The following GAR1 variants were observed in gnomAD, a reference collection of about 807,000 sequenced individuals.
The protein encoded by GAR1 is GAR1 ribonucleoprotein, also known as H/ACA ribonucleoprotein complex subunit 1.
GAR1 carries 11 observed loss-of-function variants against 29.3 expected under a neutral mutation model. The observed-to-expected ratio is 0.38, with a 90% CI of 0.24 to 0.62. The LOEUF is 0.62. Ranked by LOEUF, GAR1 falls within the 20% of genes least tolerant of loss-of-function variation. The pLI, the probability that GAR1 is intolerant of heterozygous loss-of-function variation, is 0.62. For missense variants in GAR1, 237 were observed against 268.4 expected, an observed-to-expected ratio of 0.88 and a Z score of 0.82; for synonymous variants, 87 against 93.3, an observed-to-expected ratio of 0.93 and a Z score of 0.39.
intron 3 of GAR1, 129 bp downstream of exon 3, chr4:109,818,219 A>G (rs1470484776): frequency 1.5e-6 from 1 of 647,326 alleles, no homozygotes; most frequent in Non-Finnish European, 2.7e-6. Flanking sequence ...AGATTGGACC[A>G]TGAAGGAGAA....
chr4:109,819,153 A>T, intron 4 of GAR1, 93 bp downstream of exon 4: 1 of 775,452 alleles, frequency 1.3e-6, no homozygotes, highest in East Asian at 2.4e-5. Flanking sequence ...AGACTTTCCC[A>T]ACATATCACT....
chr4:109,816,208 G>A lies in GAR1; in HGVS notation c.44G>A (p.Gly15Asp). ...GGTCGTGGAGGCTTTAATCGAGGTG[G>A]TGGAGGTGGCGGCTTCAACCGAGGT... ...GGGRGGFNRG[G>D]GGGGFNRGGS... The change falls in exon 2 of 7, where the codon GGT (glycine) becomes GAT (aspartate). Residue 15 changes from glycine to aspartate, a missense_variant. Gly to Asp is a moderately conservative substitution (Grantham distance 94, BLOSUM62 -1). Coordinates refer to ENST00000226796, the MANE Select transcript of GAR1 (RefSeq NM_018983.4). 1 of 1,611,288 alleles carries A rather than the reference G, an allele frequency of 6.2e-7. No homozygotes were observed. Among genetic ancestry groups the A allele is most frequent in the Non-Finnish European group, 8.5e-7 (1 of 1,178,806 alleles).
chr4:109,820,375 G>T (rs1290658872), intron 4 of GAR1, among the ~76,000 whole-genome samples: 1 of 152,010 alleles, frequency 6.6e-6, no homozygotes, highest in African/African-American at 2.4e-5. Flanking sequence ...TGAGGTTGAG[G>T]TACTTGTGAG....
In GAR1 at chr4:109,816,198, A is replaced by C; in HGVS notation, c.34A>C (p.Asn12His). 2 of 1,609,452 alleles carry C rather than the reference A, an allele frequency of 1.2e-6. No individual in the cohort carries two copies. Among genetic ancestry groups the C allele is most frequent in the Non-Finnish European group, 1.7e-6 (2 of 1,178,224 alleles). ...SFRGGGRGGF[N>H]RGGGGGGFNR... ...TCGAGGCGGAGGTCGTGGAGGCTTT[A>C]ATCGAGGTGGTGGAGGTGGCGGCTT... The change falls in exon 2 of 7, where the codon AAT becomes CAT. Residue 12 changes from asparagine to histidine, a missense_variant. Asn to His is a moderately conservative substitution (Grantham distance 68). Transcript: ENST00000226796.
chr4:109,824,684 G>A lies in GAR1; in HGVS notation c.*253G>A. The A allele has an allele frequency of 2.6e-6, 1 of 379,794 alleles. No individual in the cohort carries two copies. 23.5% of individuals were successfully genotyped at this position (379,794 alleles called of 1,614,324 possible). A position where few individuals can be genotyped will look rare whatever the true frequency, so the allele number is the denominator to read the frequency against. Reference sequence around the variant, plus strand: ...GTGGGTGCTCAATAAATGGATAGGAGTTTTCATTTGAAGCATATTTGAATT... The same window carrying A: ...GTGGGTGCTCAATAAATGGATAGGAATTTTCATTTGAAGCATATTTGAATT... On this transcript the variant is annotated 3_prime_UTR_variant, in exon 7 of 7. Coordinates refer to ENST00000226796, the MANE Select transcript of GAR1 (RefSeq NM_018983.4).
intron 5 of GAR1, 120 bp from the exon 6 acceptor site, chr4:109,823,845 T>C: frequency 1.8e-6 from 1 of 544,166 alleles, no homozygotes; most frequent in Non-Finnish European, 3.2e-6. Flanking sequence ...TAATTATAGT[T>C]ATTGTATTGA....
chr4:109,817,015 C>A (rs1031509006), intron 2 of GAR1, among the ~76,000 whole-genome samples: 6 of 152,130 alleles, frequency 3.9e-5, no homozygotes, highest in African/African-American at 1.4e-4. Context: ...GAATGGAAGT[C>A]ACAGAAAGTG....
At chr4:109,820,698 A>G (rs1322761096) in intron 4 of GAR1, among the ~76,000 whole-genome samples, 1 of 152,216 alleles carries the variant, frequency 6.6e-6, no homozygotes, top group Non-Finnish European at 1.5e-5. Flanking sequence ...AGACAGCCAC[A>G]TAGACATCAG....
In GAR1 at chr4:109,818,105, T is replaced by C. The variant is rs755957823; in HGVS notation, c.369+15T>C. The stretch of plus-strand genomic sequence containing the variant: ...TCAGAGATTTTGTATCCTTTTTCAT[T>C]GGAAGGCCTGATAATATTCAAAGGT... On this transcript the variant is annotated intron_variant, in intron 3 of 6. Transcript: ENST00000226796. The C allele has an allele frequency of 1.2e-5, 19 of 1,572,962 alleles. No individual in the cohort carries two copies. The highest frequency in any genetic ancestry group is 3.8e-5 in the Admixed American group (2 of 53,060).
At position 109,818,039 on chromosome 4, in the gene GAR1, CAAA is replaced by C. The variant is rs754745580; in HGVS notation, c.319_321del (p.Lys107del). ...TCAATGCTCCTGTTTACTTAGAAAA[CAAA>C]GAACAAATTGGAAAAGTGGATGAAA... On this transcript the variant is annotated inframe_deletion, in exon 3 of 7. Coordinates refer to ENST00000226796, the MANE Select transcript of GAR1 (RefSeq NM_018983.4). 23 of 1,606,868 alleles carry C rather than the reference CAAA, an allele frequency of 1.4e-5. No individual in the cohort carries two copies. Among genetic ancestry groups the C allele is most frequent in the Non-Finnish European group, 8.5e-7 (1 of 1,176,686 alleles).
At position 109,819,509 on chromosome 4, in the gene GAR1, A is replaced by C. The variant is rs576077589; in HGVS notation, c.429+449A>C. Reference sequence around the variant, plus strand: ...AGCTTTGTAGTGCCACCAGCTTTTTAAGTCTGTAGTGTTTCCTGAAAAAGT... The same window carrying C: ...AGCTTTGTAGTGCCACCAGCTTTTTCAGTCTGTAGTGTTTCCTGAAAAAGT... On this transcript the variant is annotated intron_variant, in intron 4 of 6. Transcript: ENST00000226796. 421 of 103,566 alleles carry C rather than the reference A, an allele frequency of 4.1e-3. 1 individual carries two copies. The highest frequency in any genetic ancestry group is 0.019 in the African/African-American group (395 of 21,288). 6.4% of individuals were successfully genotyped at this position (103,566 alleles called of 1,614,324 possible).
At position 109,818,296 on chromosome 4, in the gene GAR1, T is replaced by G. The variant is rs186735098; in HGVS notation, c.369+206T>G. Among the ~76,000 whole-genome samples the G allele has an allele frequency of 7.0e-3, 1,073 of 152,262 alleles. 1 individual carries two copies. Among genetic ancestry groups the G allele is most frequent in the Admixed American group, 0.014 (213 of 15,310 alleles). ...GACCCTAGAACGGTGACTTTTTTTT[T>G]GGAAAATTCTATTAATGATGGCCAT... On this transcript the variant is annotated intron_variant, in intron 3 of 6. Transcript: ENST00000226796.
intron 5 of GAR1, 169 bp downstream of exon 5, chr4:109,822,657 A>G: frequency 1.6e-6 from 1 of 625,230 alleles, no homozygotes; most frequent in Non-Finnish European, 2.5e-6. Context: ...CATTTCAACA[A>G]CTTACTTAAA....
chr4:109,819,088 C>T, intron 4 of GAR1, 28 bp downstream of exon 4: 1 of 1,261,506 alleles, frequency 7.9e-7, no homozygotes, highest in Non-Finnish European at 1.2e-6. Flanking sequence ...TACTTGGGAT[C>T]CTTGGTTTTA....
At position 109,824,675 on chromosome 4, in the gene GAR1, T is replaced by G. The variant is rs181225843; in HGVS notation, c.*244T>G. The G allele has an allele frequency of 1.1e-3, 436 of 391,170 alleles. 1 individual carries two copies. The highest frequency in any genetic ancestry group is 8.6e-3 in the African/African-American group (413 of 48,266). The allele number at this position is 391,170 out of a possible 1,614,324, so 24.2% of individuals were successfully genotyped here. A position where few individuals can be genotyped will look rare whatever the true frequency, so the allele number is the denominator to read the frequency against. On this transcript the variant is annotated 3_prime_UTR_variant, in exon 7 of 7. Transcript: ENST00000226796. ...TGGCACTCTGTGGGTGCTCAATAAA[T>G]GGATAGGAGTTTTCATTTGAAGCAT...
Position 109,824,391 on chromosome 4 carries a change from T to A in GAR1, c.641-27T>A, listed in dbSNP as rs77268506. The A allele has an allele frequency of 6.7e-4, 1,030 of 1,530,654 alleles. 7 individuals carry two copies. The highest frequency in any genetic ancestry group is 1.7e-3 in the Admixed American group (102 of 59,776). 94.8% of individuals were successfully genotyped at this position (1,530,654 alleles called of 1,614,324 possible). A position where few individuals can be genotyped will look rare whatever the true frequency, so the allele number is the denominator to read the frequency against. ...TATTAAAAATCCATTTTCTGTGCCC[T>A]TAATACTTTAATTTTCTCTTAATCA... On this transcript the variant is annotated intron_variant, in intron 6 of 6. Coordinates refer to ENST00000226796, the MANE Select transcript of GAR1 (RefSeq NM_018983.4).
chr4:109,823,979 G>A lies in GAR1; in HGVS notation c.586G>A (p.Gly196Arg). The A allele has an allele frequency of 1.2e-6, 2 of 1,604,760 alleles. No individual in the cohort carries two copies. Among genetic ancestry groups the A allele is most frequent in the Non-Finnish European group, 1.7e-6 (2 of 1,172,908 alleles). The change falls in exon 6 of 7, where the codon GGA (glycine) becomes AGA (arginine). Residue 196 changes from glycine to arginine, a missense_variant. Transcript: ENST00000226796. ...GGGRGGGFRGGRGGGGGGFRG... is the reference protein window; with the variant it reads ...GGGRGGGFRGRRGGGGGGFRG... ...ATGTTTTTTAGGTGGTTTTAGAGGT[G>A]GAAGAGGAGGTGGAGGTGGGGGCTT...
intron 3 of GAR1, among the ~76,000 whole-genome samples, chr4:109,818,775 G>A (rs1031170866): frequency 1.3e-5 from 2 of 151,912 alleles, no homozygotes; most frequent in Admixed American, 6.6e-5. Flanking sequence ...ATGTTGGCCA[G>A]GATGGTCTCA....
chr4:109,816,519 T>C (rs1384979812), intron 2 of GAR1, 141 bp downstream of exon 2: 4 of 786,678 alleles, frequency 5.1e-6, no homozygotes, highest in Non-Finnish European at 6.2e-6. Context: ...TCAAGAAAGC[T>C]GAGGGATACT....
Sources: gnomAD v4.1 joint callset for allele counts (sites outside exome capture counted in the v4.1 genomes callset) on GRCh38, gnomAD v4.1.1 for gene constraint, MANE v1.5 for transcripts, NCBI Gene and HGNC (gene_info 2026-07-23, HGNC 2026-07-21) for gene names.